The following PCP2 variants were observed in gnomAD, a reference collection of about 807,000 sequenced individuals.
PCP2 encodes the protein Purkinje cell protein 2 homolog.
In PCP2, 21 loss-of-function variants were observed where a neutral mutation model predicts 18.3. That is an observed-to-expected ratio of 1.14 (90% CI 0.81 to 1.65). The LOEUF (loss-of-function observed/expected upper bound fraction) is 1.65, where lower values mean the gene tolerates loss of function less well. Among genes scored for constraint, PCP2 ranks in the 40% most tolerant of loss-of-function variants. PCP2 has a pLI of 0.00. For synonymous variants in PCP2, 85 were observed against 77.6 expected (o/e 1.10, Z -0.50); for missense variants, 202 against 201.8 (o/e 1.00, Z 0.00).
rs1281304537 is a variant in PCP2 at position 7,632,992 on chromosome 19, T to G, written c.52-162A>C. 7.0e-7 allele frequency: 1 copy of G among 1,425,820 alleles called. No individual in the cohort carries two copies. The highest frequency in any genetic ancestry group is 2.9e-5 in the Admixed American group (1 of 34,902). The allele number at this position is 1,425,820 out of a possible 1,614,324, so 88.3% of individuals were successfully genotyped here. A position where few individuals can be genotyped will look rare whatever the true frequency, so the allele number is the denominator to read the frequency against. On this transcript the variant is annotated intron_variant, in intron 1 of 3. Transcript: ENST00000311069. The surrounding 1 kb of genome is among the most constrained non-coding windows in gnomAD (Gnocchi z 5.2). ...ATCCTCTCTGCAGAGCTGTTCTGAATGAGACATGAGTCTCCTTCCCAATCC... is the reference window on the plus strand; with the variant it reads ...ATCCTCTCTGCAGAGCTGTTCTGAAGGAGACATGAGTCTCCTTCCCAATCC...
Position 7,632,363 on chromosome 19 carries a change from TCTC to T in PCP2, c.291+27_291+29del. Reference sequence around the variant, plus strand: ...ATCGGAGAGCACTGCCTGGCGGGTTTCTCCTCGACATCGCCAGAACATCACCTA... The same window carrying T: ...ATCGGAGAGCACTGCCTGGCGGGTTTCTCGACATCGCCAGAACATCACCTA... On this transcript the variant is annotated intron_variant, in intron 3 of 3. Transcript: ENST00000311069. This position sits in a 1 kb window ranked among gnomAD's most constrained non-coding sequence, Gnocchi z 5.2. 1 of 1,612,616 alleles carries T rather than the reference TCTC, an allele frequency of 6.2e-7. No homozygotes were observed. The highest frequency in any genetic ancestry group is 8.5e-7 in the Non-Finnish European group (1 of 1,179,576).
In PCP2 at chr19:7,633,021, C is replaced by T. The variant is rs949008981; in HGVS notation, c.52-191G>A. 8.9e-5 allele frequency: 128 copies of T among 1,430,410 alleles called. 1 individual carries two copies. In the East Asian group the frequency reaches 3.2e-3, roughly 36 times the overall value. 88.6% of individuals were successfully genotyped at this position (1,430,410 alleles called of 1,614,324 possible). A position where few individuals can be genotyped will look rare whatever the true frequency, so the allele number is the denominator to read the frequency against. On this transcript the variant is annotated intron_variant, in intron 1 of 3. Coordinates refer to ENST00000311069, the MANE Select transcript of PCP2 (RefSeq NM_174895.3). ...ACATGAGTCTCCTTCCCAATCCCGG[C>T]CCCCGCCCCAGGGGCCCTGGCCAGC...
upstream of PCP2, among the ~76,000 whole-genome samples, chr19:7,634,255 T>C (rs1349514157): frequency 1.3e-5 from 2 of 152,070 alleles, no homozygotes. Flanking sequence ...TGGCTTTCCC[T>C]CAGTGCCCAA....
chr19:7,631,912 C>T, intron 3 of PCP2, 104 bp from the exon 4 acceptor site: 4 of 1,148,074 alleles, frequency 3.5e-6, no homozygotes, highest in Non-Finnish European at 4.6e-6. Context: ...TGTCCCACCT[C>T]ATTGTGAGCA....
Position 7,631,635 on chromosome 19 carries a change from T to C in PCP2, c.*54A>G. The stretch of plus-strand genomic sequence containing the variant: ...GTTCCTTGTTATTCATTTAAGTGTT[T>C]TATTCTTTTATCAGTTTTTGGGGGC... On this transcript the variant is annotated 3_prime_UTR_variant, in exon 4 of 4. Coordinates refer to ENST00000311069, the MANE Select transcript of PCP2 (RefSeq NM_174895.3). The C allele has an allele frequency of 6.9e-7, 1 of 1,456,178 alleles. No homozygotes were observed. Among genetic ancestry groups the C allele is most frequent in the Non-Finnish European group, 9.1e-7 (1 of 1,102,694 alleles). 90.2% of individuals were successfully genotyped at this position (1,456,178 alleles called of 1,614,324 possible).
chr19:7,633,035 G>T lies in PCP2; in HGVS notation c.52-205C>A, dbSNP rs1272588014. 37 of 1,425,330 alleles carry T rather than the reference G, an allele frequency of 2.6e-5. No individual in the cohort carries two copies. The Admixed American group carries it at 5.2e-4, about 20-fold the overall frequency. 88.3% of individuals were successfully genotyped at this position (1,425,330 alleles called of 1,614,324 possible). A position where few individuals can be genotyped will look rare whatever the true frequency, so the allele number is the denominator to read the frequency against. ...CCCAATCCCGGCCCCCGCCCCAGGG[G>T]CCCTGGCCAGCAGTGCCACTTCACG... On this transcript the variant is annotated intron_variant, in intron 1 of 3. Coordinates refer to ENST00000311069, the MANE Select transcript of PCP2 (RefSeq NM_174895.3).
At chr19:7,634,716 C>T (rs752226587), upstream of PCP2, among the ~76,000 whole-genome samples, 4 of 152,162 alleles carry the variant, frequency 2.6e-5, no homozygotes, top group African/African-American at 4.8e-5. Flanking sequence ...GTTCCAGAGG[C>T]CACAGCCTGA....
chr19:7,635,461 A>G (rs2031490298), upstream of PCP2, among the ~76,000 whole-genome samples: 2 of 152,336 alleles, frequency 1.3e-5, no homozygotes, highest in South Asian at 4.1e-4. Context: ...TTGGGAGGCC[A>G]AGGCAGGAGG....
At chr19:7,633,796 A>T, upstream of PCP2, 1 of 311,194 alleles carries the variant, frequency 3.2e-6, no homozygotes, top group Non-Finnish European at 6.0e-6. Context: ...GGAGGCCAAC[A>T]GTGTAGGGTG....
chr19:7,634,384 C>G (rs566812401), upstream of PCP2, among the ~76,000 whole-genome samples: 1 of 152,318 alleles, frequency 6.6e-6, no homozygotes, highest in South Asian at 2.1e-4. Context: ...CACCTCTGCC[C>G]GAGCCTCCTC....
In PCP2 at chr19:7,633,443, C is replaced by T. The variant is rs989138797; in HGVS notation, c.15G>A (p.Glu5=). 3.0e-5 allele frequency: 47 copies of T among 1,577,450 alleles called. No individual in the cohort carries two copies. The Admixed American group carries it at 6.6e-4, about 22-fold the overall frequency. Residue 5 remains glutamate, a synonymous_variant, in exon 1 of 4, where the codon GAG becomes GAA. Coordinates refer to ENST00000311069, the MANE Select transcript of PCP2 (RefSeq NM_174895.3). The part of the protein sequence containing the change: MMDQ[E]EKTEEGSGPC... ...GGCCTGAGCCTTCCTCCGTCTTCTC[C>T]TCCTGATCCATCATGTCCCTGGACT...
Position 7,632,196 on chromosome 19 carries a change from G to A in PCP2, c.291+197C>T, listed in dbSNP as rs2031342316. The A allele has an allele frequency of 4.8e-6, 4 of 831,542 alleles. No individual in the cohort carries two copies. Among genetic ancestry groups the A allele is most frequent in the East Asian group, 2.7e-5 (1 of 36,720 alleles). 51.5% of individuals were successfully genotyped at this position (831,542 alleles called of 1,614,324 possible). On this transcript the variant is annotated intron_variant, in intron 3 of 3. Coordinates refer to ENST00000311069, the MANE Select transcript of PCP2 (RefSeq NM_174895.3). This position sits in a 1 kb window ranked among gnomAD's most constrained non-coding sequence, Gnocchi z 5.2. ...CAGGAGCCACAAGTTCCAGCCATGG[G>A]TCTTACACTAGCATGGCCCCTGTAT...
rs1227481498 is a variant in PCP2, at chr19:7,632,730, T to G, written c.152A>C (p.Gln51Pro). The change falls in exon 2 of 4, where the codon CAG becomes CCG. Residue 51 changes from glutamine to proline, a missense_variant. Transcript: ENST00000311069. This position sits in a 1 kb window ranked among gnomAD's most constrained non-coding sequence, Gnocchi z 5.2. ...QRCSLQAGPG[Q>P]TTKSQSDPTP... is the part of the protein sequence containing the mutation. ...CCCATGCTCACGGCTCTTGGTGGTC[T>G]GGCCCGGCCCGGCTTGCAGTGAACA... The G allele has an allele frequency of 6.4e-7, 1 of 1,560,750 alleles. No homozygotes were observed. Among genetic ancestry groups the G allele is most frequent in the South Asian group, 1.2e-5 (1 of 85,812 alleles).
At position 7,631,726 on chromosome 19, in the gene PCP2, C is replaced by A. The variant is rs772121229; in HGVS notation, c.374G>T (p.Arg125Leu). ...PQDPTALGFR[R>L]NSSPQPPTQA... is the part of the protein sequence containing the mutation. ...TGTCGGGGGCTGGGGGCTGCTGTTCCGACGGAAGCCGAGAGCGGTCGGGTC... is the reference window on the plus strand; with the variant it reads ...TGTCGGGGGCTGGGGGCTGCTGTTCAGACGGAAGCCGAGAGCGGTCGGGTC... The change falls in exon 4 of 4, where the codon CGG (arginine) becomes CTG (leucine). Residue 125 changes from arginine to leucine, a missense_variant. Physicochemically the swap from Arg to Leu is moderately radical, Grantham distance 102. Coordinates refer to ENST00000311069, the MANE Select transcript of PCP2 (RefSeq NM_174895.3). 1 of 1,438,990 alleles carries A rather than the reference C, an allele frequency of 6.9e-7. No homozygotes were observed. Among genetic ancestry groups the A allele is most frequent in the Non-Finnish European group, 9.1e-7 (1 of 1,093,536 alleles). The allele number at this position is 1,438,990 out of a possible 1,614,324, so 89.1% of individuals were successfully genotyped here. A position where few individuals can be genotyped will look rare whatever the true frequency, so the allele number is the denominator to read the frequency against.
chr19:7,633,697 CG>C lies in PCP2; in HGVS notation c.-241del, dbSNP rs1377290862. The C allele has an allele frequency of 1.4e-5, 8 of 566,834 alleles. No homozygotes were observed. Among genetic ancestry groups the C allele is most frequent in the Non-Finnish European group, 2.5e-5 (8 of 318,610 alleles). 35.1% of individuals were successfully genotyped at this position (566,834 alleles called of 1,614,324 possible). Reference sequence around the variant, plus strand: ...GGCAGGGCGACCTGAGCTTGGACCTCGCTGTGCCCAGCAGCAATGACTGGAC... The same window carrying C: ...GGCAGGGCGACCTGAGCTTGGACCTCCTGTGCCCAGCAGCAATGACTGGAC... On this transcript the variant is annotated 5_prime_UTR_variant, in exon 1 of 4. Coordinates refer to ENST00000311069, the MANE Select transcript of PCP2 (RefSeq NM_174895.3).
At chr19:7,636,943 C>A (rs116222519), upstream of PCP2, 1,836 of 429,130 alleles carry the variant, frequency 4.3e-3, 27 homozygotes, top group African/African-American at 0.031. Context: ...CCAGCGACTT[C>A]GTGCTCGGCA....
rs2031394261 is a variant in PCP2, at chr19:7,632,999, T to C, written c.52-169A>G. The C allele has an allele frequency of 7.0e-7, 1 of 1,435,212 alleles. No homozygotes were observed. The allele number at this position is 1,435,212 out of a possible 1,614,324, so 88.9% of individuals were successfully genotyped here. A position where few individuals can be genotyped will look rare whatever the true frequency, so the allele number is the denominator to read the frequency against. The stretch of plus-strand genomic sequence containing the variant: ...CTGCAGAGCTGTTCTGAATGAGACA[T>C]GAGTCTCCTTCCCAATCCCGGCCCC... On this transcript the variant is annotated intron_variant, in intron 1 of 3. Coordinates refer to ENST00000311069, the MANE Select transcript of PCP2 (RefSeq NM_174895.3). This position sits in a 1 kb window ranked among gnomAD's most constrained non-coding sequence, Gnocchi z 5.2.
chr19:7,635,954 C>T (rs904372357), upstream of PCP2, among the ~76,000 whole-genome samples: 3 of 152,182 alleles, frequency 2.0e-5, no homozygotes, highest in Non-Finnish European at 2.9e-5. Flanking sequence ...CTCCTCCCTT[C>T]TCTACCTGGA....
chr19:7,632,192 A>T lies in PCP2; in HGVS notation c.291+201T>A. 1.2e-6 allele frequency: 1 copy of T among 808,796 alleles called. No homozygotes were observed. Among genetic ancestry groups the T allele is most frequent in the Non-Finnish European group, 1.9e-6 (1 of 531,576 alleles). The allele number at this position is 808,796 out of a possible 1,614,324, so 50.1% of individuals were successfully genotyped here. A position where few individuals can be genotyped will look rare whatever the true frequency, so the allele number is the denominator to read the frequency against. ...GGGGCAGGAGCCACAAGTTCCAGCC[A>T]TGGGTCTTACACTAGCATGGCCCCT... On this transcript the variant is annotated intron_variant, in intron 3 of 3. Transcript: ENST00000311069. This position sits in a 1 kb window ranked among gnomAD's most constrained non-coding sequence, Gnocchi z 5.2.
Sources: gnomAD v4.1 joint callset for allele counts (sites outside exome capture counted in the v4.1 genomes callset) on GRCh38, gnomAD v4.1.1 for gene constraint, Gnocchi (gnomAD v3.1) non-coding constraint, MANE v1.5 for transcripts, NCBI Gene and HGNC (gene_info 2026-07-23, HGNC 2026-07-21) for gene names.